NOTCH4: variants seen among roughly 807,000 people sequenced by gnomAD.
The protein encoded by NOTCH4 is neurogenic locus notch homolog protein 4.
Under a neutral mutation model 189.0 loss-of-function variants are expected in NOTCH4, and 138 were observed. The observed-to-expected ratio is 0.73, with a 90% CI of 0.64 to 0.84. NOTCH4 has a LOEUF of 0.84. Ranked by LOEUF, NOTCH4 falls within the 40% of genes least tolerant of loss-of-function variation. The probability of loss-of-function intolerance (pLI) is 0.00; values close to 1 mark genes in which losing one functional copy is unlikely to be tolerated. For missense variants in NOTCH4, 2,286 were observed against 2,605.4 expected (o/e 0.88, Z 2.67); for synonymous variants, 942 against 1,032.8 (o/e 0.91, Z 1.69).
intron 1 of NOTCH4, 103 bp from the exon 2 acceptor site, chr6:32,223,189 G>A: frequency 2.4e-6 from 2 of 850,548 alleles, no homozygotes; most frequent in Non-Finnish European, 4.1e-6. Context: ...GCTCCCACAG[G>A]TACTCTAAAC....
In NOTCH4 at chr6:32,194,961, A is replaced by C; in HGVS notation, c.*476T>G. The C allele has an allele frequency of 1.7e-5, 4 of 235,678 alleles. No individual in the cohort carries two copies. The highest frequency in any genetic ancestry group is 2.5e-5 in the Non-Finnish European group (3 of 119,710). The allele number at this position is 235,678 out of a possible 1,614,324, so 14.6% of individuals were successfully genotyped here. On this transcript the variant is annotated 3_prime_UTR_variant, in exon 30 of 30. Transcript: ENST00000375023. The surrounding 1 kb of genome is among the most constrained non-coding windows in gnomAD (Gnocchi z 4.5). ...GAGTTCTTTGTTGTGAGGGGAGGGA[A>C]TGCAAGGAGTCATCAGCGGGGGTGG...
Position 32,220,285 on chromosome 6 carries a change from C to T in NOTCH4, c.1160-1G>A. ...ATGTCTTCCAAGTGGCACAGGAGTC[C>T]TGGAGGGGTAAGAGGGGGTGAGGCT... is the stretch of plus-strand genomic sequence containing the variant. On this transcript the variant is annotated splice_acceptor_variant, in intron 6 of 29. Coordinates refer to ENST00000375023, the MANE Select transcript of NOTCH4 (RefSeq NM_004557.4). LOFTEE classifies it high-confidence loss of function. 1 of 1,612,416 alleles carries T rather than the reference C, an allele frequency of 6.2e-7. No homozygotes were observed. Among genetic ancestry groups the T allele is most frequent in the Non-Finnish European group, 8.5e-7 (1 of 1,178,914 alleles).
At chr6:32,216,444 G>A (rs3134799) in intron 11 of NOTCH4, 72,022 of 184,222 alleles carry the variant, frequency 0.39, 14,862 homozygotes, top group Middle Eastern at 0.48. Flanking sequence ...TATCTTTCAA[G>A]ACTCATCTCA....
rs141525894 is a variant in NOTCH4 at position 32,195,685 on chromosome 6, C to G, written c.5764G>C (p.Gly1922Arg). 1.5e-5 allele frequency: 24 copies of G among 1,612,846 alleles called. No homozygotes were observed. Among genetic ancestry groups the G allele is most frequent in the Middle Eastern group, 1.6e-4 (1 of 6,080 alleles). ...ATTATCGCAGGGTTGGGCCGAGGCC[C>G]GCGCATGCCTGCAGAAAACCTACGG... is the stretch of plus-strand genomic sequence containing the variant. ...RGRRFSAGMR[G>R]PRPNPAIMRG... Residue 1922 changes from glycine to arginine, a missense_variant, in exon 30 of 30, where the codon GGG becomes CGG. By Grantham distance (125) the Gly-to-Arg change is moderately radical (BLOSUM62 -2). Transcript: ENST00000375023. This position sits in a 1 kb window ranked among gnomAD's most constrained non-coding sequence, Gnocchi z 5.4.
rs767664749 is a variant in NOTCH4, at chr6:32,214,156, G to A, written c.2121C>T (p.Tyr707=). 2.6e-5 allele frequency: 42 copies of A among 1,613,416 alleles called. No individual in the cohort carries two copies. The highest frequency in any genetic ancestry group is 3.4e-5 in the Non-Finnish European group (40 of 1,179,812). Residue 707 remains tyrosine, a synonymous_variant, in exon 13 of 30, where the codon TAC becomes TAT. Coordinates refer to ENST00000375023, the MANE Select transcript of NOTCH4 (RefSeq NM_004557.4). ...SAPCAHGGTC[Y]PQPSGYNCTC... ...TGCAGTTGTAGCCAGAGGGCTGGGG[G>A]TAGCAGGTCCCCCCATGGGCACAGG...
rs2127488338 is a variant in NOTCH4 at position 32,220,829 on chromosome 6, G to A, written c.849C>T (p.His283=). ...GGCAAGTGCCCCCATTCTGACACTGGTGGCTGACACAGTTGTCTGGATTCA... is the reference window on the plus strand; with the variant it reads ...GGCAAGTGCCCCCATTCTGACACTGATGGCTGACACAGTTGTCTGGATTCA... The part of the protein sequence containing the change: ...CEVNPDNCVS[H]QCQNGGTCQD... The change falls in exon 5 of 30, where the codon CAC becomes CAT. Residue 283 remains histidine, a synonymous_variant. Coordinates refer to ENST00000375023, the MANE Select transcript of NOTCH4 (RefSeq NM_004557.4). 6.2e-7 allele frequency: 1 copy of A among 1,614,100 alleles called. No individual in the cohort carries two copies. The highest frequency in any genetic ancestry group is 8.5e-7 in the Non-Finnish European group (1 of 1,179,990).
At chr6:32,207,181 G>A (rs538680509) in intron 18 of NOTCH4, among the ~76,000 whole-genome samples, 29 of 151,064 alleles carry the variant, frequency 1.9e-4, no homozygotes, top group African/African-American at 4.6e-4. Context: ...TGCCCGCCTT[G>A]GTCTCCCAAA....
chr6:32,195,751 G>A lies in NOTCH4; in HGVS notation c.5698C>T (p.Leu1900Phe), dbSNP rs1210461642. The change falls in exon 30 of 30, where the codon CTC becomes TTC. Residue 1900 changes from leucine (L) to phenylalanine (F), a missense_variant. Transcript: ENST00000375023. This position sits in a 1 kb window ranked among gnomAD's most constrained non-coding sequence, Gnocchi z 5.4. Reference sequence around the variant, plus strand: ...CCTCCTCCTGCTCCTACTCCCGAGAGGCTCCGGCAATGAGAATAGGCCCCG... The same window carrying A: ...CCTCCTCCTGCTCCTACTCCCGAGAAGCTCCGGCAATGAGAATAGGCCCCG... ...GGGAYSHCRS[L>F]SGVGAGGGPT... 7 of 1,612,010 alleles carry A rather than the reference G, an allele frequency of 4.3e-6. No individual in the cohort carries two copies. Among genetic ancestry groups the A allele is most frequent in the African/African-American group, 1.3e-5 (1 of 74,938 alleles).
intron 18 of NOTCH4, among the ~76,000 whole-genome samples, chr6:32,209,759 T>C (rs1384814741): frequency 2.0e-5 from 3 of 152,084 alleles, no homozygotes; most frequent in African/African-American, 7.2e-5. Context: ...GGCGCGTTCC[T>C]GTAATCCCAG....
At position 32,221,599 on chromosome 6, in the gene NOTCH4, G is replaced by C. The variant is rs1164741083; in HGVS notation, c.452-274C>G. 6.6e-6 allele frequency among the ~76,000 whole-genome samples: 1 copy of C among 152,080 alleles called. No homozygotes were observed. Among genetic ancestry groups the C allele is most frequent in the Non-Finnish European group, 1.5e-5 (1 of 67,994 alleles). ...AAAATCTGGGACGTGGGTGATCTTG[G>C]GGGAGGTGAAAAGCACCCCACGTCT... On this transcript the variant is annotated intron_variant, in intron 3 of 29. Transcript: ENST00000375023. This position sits in a 1 kb window ranked among gnomAD's most constrained non-coding sequence, Gnocchi z 4.3.
chr6:32,197,135 A>G, intron 27 of NOTCH4, 63 bp from the exon 28 acceptor site: 1 of 1,583,632 alleles, frequency 6.3e-7, no homozygotes, highest in Admixed American at 1.7e-5. Flanking sequence ...AGTTCCTTAC[A>G]CTATTAACCC....
At position 32,218,995 on chromosome 6, in the gene NOTCH4, C is replaced by G. The variant is rs115361113; in HGVS notation, c.1510+597G>C. 3.9e-3 allele frequency among the ~76,000 whole-genome samples: 598 copies of G among 152,248 alleles called. 6 individuals are homozygous for G. The highest frequency in any genetic ancestry group is 0.013 in the African/African-American group (558 of 41,548). On this transcript the variant is annotated intron_variant, in intron 8 of 29. Coordinates refer to ENST00000375023, the MANE Select transcript of NOTCH4 (RefSeq NM_004557.4). ...AGACAATGCCTGTAAGATGCTCAGA[C>G]AGTACCTGGCATAAAGTTGGCGATT...
chr6:32,198,573 CAAGGATCAGTG>C lies in NOTCH4; in HGVS notation c.4618-25_4618-15del. ...TGTTTCTTCAGCCTTTGGGTAACAG[CAAGGATCAGTG>C]AAGGTTGATTTGCCCTTTCATCCCT... On this transcript the variant is annotated splice_polypyrimidine_tract_variant and intron_variant, in intron 25 of 29. Coordinates refer to ENST00000375023, the MANE Select transcript of NOTCH4 (RefSeq NM_004557.4). The surrounding 1 kb of genome is among the most constrained non-coding windows in gnomAD (Gnocchi z 5.5). 1 of 1,612,414 alleles carries C rather than the reference CAAGGATCAGTG, an allele frequency of 6.2e-7. No homozygotes were observed. Among genetic ancestry groups the C allele is most frequent in the Non-Finnish European group, 8.5e-7 (1 of 1,179,650 alleles).
rs1337591860 is a variant in NOTCH4, at chr6:32,207,716, T to C, written c.2865+3036A>G. 2.0e-5 allele frequency among the ~76,000 whole-genome samples: 3 copies of C among 150,304 alleles called. No individual in the cohort carries two copies. In the East Asian group the frequency reaches 5.9e-4, roughly 30 times the overall value. On this transcript the variant is annotated intron_variant, in intron 18 of 29. Transcript: ENST00000375023. Reference sequence around the variant, plus strand: ...TAGATTAAAGCCTTACATGTACAGCTGGAAACTTGAAGCCACTAAAAAAAA... The same window carrying C: ...TAGATTAAAGCCTTACATGTACAGCCGGAAACTTGAAGCCACTAAAAAAAA...
chr6:32,217,228 A>T lies in NOTCH4; in HGVS notation c.1663T>A (p.Cys555Ser), dbSNP rs1789468868. The T allele has an allele frequency of 6.2e-7, 1 of 1,612,838 alleles. No homozygotes were observed. The highest frequency in any genetic ancestry group is 1.3e-5 in the African/African-American group (1 of 74,898). ...GTRCEEDIDE[C>S]RSSPCANGGQ... The stretch of plus-strand genomic sequence containing the variant: ...CCATTGGCACAGGGAGAGCTTCTGC[A>T]CTCATCGATATCCTCCTCACATCGG... The change falls in exon 10 of 30, where the codon TGC becomes AGC. Residue 555 changes from cysteine to serine, a missense_variant. Physicochemically the swap from Cys to Ser is moderately radical, Grantham distance 112 (BLOSUM62 -1). This residue lies in a region of NOTCH4 where 1,903 missense variants were observed against 2,261.9 expected (regional missense o/e 0.84). Transcript: ENST00000375023. This position sits in a 1 kb window ranked among gnomAD's most constrained non-coding sequence, Gnocchi z 4.2.
At position 32,201,037 on chromosome 6, in the gene NOTCH4, A is replaced by T. The variant is rs771054589; in HGVS notation, c.4140-31T>A. 6.4e-7 allele frequency: 1 copy of T among 1,561,300 alleles called. No homozygotes were observed. The highest frequency in any genetic ancestry group is 8.7e-7 in the Non-Finnish European group (1 of 1,154,620). ...GAGGAGGCACCTCAGAGACCTCTGT[A>T]TTGGTCCCTGGCTCCCTTTCCTCCC... On this transcript the variant is annotated intron_variant, in intron 22 of 29. Transcript: ENST00000375023. The surrounding 1 kb of genome is among the most constrained non-coding windows in gnomAD (Gnocchi z 5.5).
Position 32,220,778 on chromosome 6 carries a change from G to A in NOTCH4, c.900C>T (p.Cys300=), listed in dbSNP as rs1241886708. The A allele has an allele frequency of 3.7e-6, 6 of 1,614,202 alleles. No homozygotes were observed. The highest frequency in any genetic ancestry group is 5.1e-6 in the Non-Finnish European group (6 of 1,180,018). Reference sequence around the variant, plus strand: ...CACCTGTCCAGGTTTCTGGGCAGAGGCAGGTGTAGGTGTCCAGCCCATCCT... The same window carrying A: ...CACCTGTCCAGGTTTCTGGGCAGAGACAGGTGTAGGTGTCCAGCCCATCCT... ...TCQDGLDTYT[C]LCPETWTGWD... is the part of the protein sequence containing the mutation. Residue 300 remains cysteine (C), a synonymous_variant, in exon 5 of 30, where the codon TGC becomes TGT. Coordinates refer to ENST00000375023, the MANE Select transcript of NOTCH4 (RefSeq NM_004557.4).
chr6:32,197,818 TC>T (rs1788049747), intron 26 of NOTCH4, among the ~76,000 whole-genome samples: 1 of 130,452 alleles, frequency 7.7e-6, no homozygotes, highest in Non-Finnish European at 1.7e-5. Flanking sequence ...AGTGGTTTTC[TC>T]TTTTTTTTTT....
intron 3 of NOTCH4, among the ~76,000 whole-genome samples, chr6:32,222,042 G>C (rs1179594454): frequency 1.3e-5 from 2 of 152,068 alleles, no homozygotes; most frequent in East Asian, 3.9e-4. Flanking sequence ...CCTCCTCCTG[G>C]GGCGGCCCCC....
Sources: gnomAD v4.1 joint callset for allele counts (sites outside exome capture counted in the v4.1 genomes callset) on GRCh38, gnomAD v4.1.1 for gene constraint, gnomAD v4.1.1 regional missense constraint, Gnocchi (gnomAD v3.1) non-coding constraint, MANE v1.5 for transcripts, NCBI Gene and HGNC (gene_info 2026-07-23, HGNC 2026-07-21) for gene names.